USP49: variants seen among roughly 807,000 people sequenced by gnomAD.
The protein encoded by USP49 is ubiquitin specific peptidase 49.
USP49 carries 24 observed loss-of-function variants against 58.6 expected under a neutral mutation model. That is an observed-to-expected ratio of 0.41 (90% CI 0.30 to 0.58). The LOEUF is 0.58. USP49 is among the 20% of genes least tolerant of loss of function. The probability of loss-of-function intolerance (pLI) is 0.30; values close to 1 mark genes in which losing one functional copy is unlikely to be tolerated. For synonymous variants in USP49, 408 were observed against 365.1 expected, an observed-to-expected ratio of 1.12 and a Z score of -1.34; for missense variants, 703 against 866.1, an observed-to-expected ratio of 0.81 and a Z score of 2.36.
chr6:41,873,401 A>G (rs1235096557), intron 2 of USP49, among the ~76,000 whole-genome samples: 2 of 152,236 alleles, frequency 1.3e-5, no homozygotes, highest in Non-Finnish European at 2.9e-5. Context: ...GCACGAGGCC[A>G]GAAAGTAGGT....
intron 2 of USP49, among the ~76,000 whole-genome samples, chr6:41,883,898 A>C (rs1350471044): frequency 6.6e-6 from 1 of 152,198 alleles, no homozygotes; most frequent in Non-Finnish European, 1.5e-5. Context: ...GACATGTGCA[A>C]GACTGTTACT....
chr6:41,798,574 C>T lies in USP49; in HGVS notation c.1876+150G>A. The T allele has an allele frequency of 1.9e-6, 3 of 1,558,170 alleles. No individual in the cohort carries two copies. In the East Asian group the frequency reaches 6.8e-5, roughly 35 times the overall value. The stretch of plus-strand genomic sequence containing the variant: ...TACAGGTGTGAGCCACGGCGCCCAA[C>T]CCAATTTTCACAATTCTTTCCACTG... On this transcript the variant is annotated intron_variant, in intron 7 of 7. Transcript: ENST00000682992.
intron 5 of USP49, among the ~76,000 whole-genome samples, chr6:41,800,996 G>A (rs886680659): frequency 6.6e-6 from 1 of 152,210 alleles, no homozygotes; most frequent in African/African-American, 2.4e-5. Context: ...GTTTCTAACT[G>A]TGGGGGAAAT....
intron 2 of USP49, among the ~76,000 whole-genome samples, chr6:41,889,566 A>G (rs1774775819): frequency 6.6e-6 from 1 of 152,056 alleles, no homozygotes; most frequent in Admixed American, 6.5e-5. Flanking sequence ...TTCTCAACAC[A>G]TGGGTACACT....
intron 3 of USP49, among the ~76,000 whole-genome samples, chr6:41,851,290 A>G (rs1289205292): frequency 6.6e-6 from 1 of 152,250 alleles, no homozygotes; most frequent in South Asian, 2.1e-4. Context: ...CATATTATCA[A>G]TAAGTAGGAC....
chr6:41,892,524 T>C (rs982395319), intron 1 of USP49, among the ~76,000 whole-genome samples: 1 of 152,212 alleles, frequency 6.6e-6, no homozygotes, highest in South Asian at 2.1e-4. Flanking sequence ...TCTAGTAACC[T>C]TGAACACTTG....
chr6:41,882,437 T>C (rs1774625379), intron 2 of USP49, among the ~76,000 whole-genome samples: 1 of 152,196 alleles, frequency 6.6e-6, no homozygotes, highest in Non-Finnish European at 1.5e-5. Flanking sequence ...GGATCCAACC[T>C]ATACCACATC....
intron 2 of USP49, among the ~76,000 whole-genome samples, chr6:41,885,889 C>T (rs1774702286): frequency 6.6e-6 from 1 of 152,208 alleles, no homozygotes; most frequent in Non-Finnish European, 1.5e-5. Flanking sequence ...GGATTTTCAG[C>T]ATGGAGCAGA....
Position 41,856,374 on chromosome 6 carries a change from CA to C in USP49, c.-29+15189del, listed in dbSNP as rs534562516. Reference sequence around the variant, plus strand: ...TGGGCGACAGAGCGAGACCCCGTCTCAAAAAAAAAAAAAAACTTGTAATATT... The same window carrying C: ...TGGGCGACAGAGCGAGACCCCGTCTCAAAAAAAAAAAAAACTTGTAATATT... On this transcript the variant is annotated intron_variant, in intron 3 of 7. Transcript: ENST00000682992. Among the ~76,000 whole-genome samples the C allele has an allele frequency of 4.1e-3, 482 of 118,178 alleles. 3 individuals carry two copies. Among genetic ancestry groups the C allele is most frequent in the Middle Eastern group, 4.5e-3 (1 of 220 alleles). The allele number at this position is 118,178 out of a possible 152,430, so 77.5% of individuals were successfully genotyped here. A position where few individuals can be genotyped will look rare whatever the true frequency, so the allele number is the denominator to read the frequency against.
At chr6:41,813,306 A>C (rs1773290830) in intron 3 of USP49, among the ~76,000 whole-genome samples, 1 of 152,156 alleles carries the variant, frequency 6.6e-6, no homozygotes, top group Non-Finnish European at 1.5e-5. Flanking sequence ...TTTAGCCTTG[A>C]TGTGTCTTCA....
At chr6:41,802,448 A>ATTTTTTTT (rs1363216201) in intron 5 of USP49, among the ~76,000 whole-genome samples, 3 of 53,330 alleles carry the variant, frequency 5.6e-5, no homozygotes, top group South Asian at 6.6e-4. Flanking sequence ...TTATTTATTT[A>ATTTTTTTT]TTTATTTATT....
At chr6:41,815,673 C>T (rs568073715) in intron 3 of USP49, among the ~76,000 whole-genome samples, 6 of 152,204 alleles carry the variant, frequency 3.9e-5, no homozygotes, top group African/African-American at 9.6e-5. Context: ...AAGAAGGGTT[C>T]GGAAGCTCTG....
intron 3 of USP49, among the ~76,000 whole-genome samples, chr6:41,853,976 G>GCAA (rs1476826719): frequency 8.5e-6 from 1 of 118,228 alleles, no homozygotes; most frequent in Non-Finnish European, 1.7e-5. Context: ...TCCAGCCTGG[G>GCAA]CAACAACAGC....
chr6:41,816,604 A>T (rs1006730107), intron 3 of USP49, among the ~76,000 whole-genome samples: 2 of 152,184 alleles, frequency 1.3e-5, no homozygotes, highest in African/African-American at 4.8e-5. Context: ...GATACTTTTT[A>T]AAAACTAAAA....
At chr6:41,867,342 A>G (rs1275573345) in intron 3 of USP49, among the ~76,000 whole-genome samples, 1 of 152,208 alleles carries the variant, frequency 6.6e-6, no homozygotes, top group Non-Finnish European at 1.5e-5. Flanking sequence ...GCAATTTCCA[A>G]TTATCAATCA....
chr6:41,822,441 T>C (rs368933502), intron 3 of USP49, among the ~76,000 whole-genome samples: 19 of 152,244 alleles, frequency 1.2e-4, no homozygotes, highest in African/African-American at 4.1e-4. Context: ...GGAACCCGTC[T>C]TCCTGATGTC....
At chr6:41,837,581 G>C (rs999549092) in intron 3 of USP49, among the ~76,000 whole-genome samples, 1 of 152,122 alleles carries the variant, frequency 6.6e-6, no homozygotes, top group African/African-American at 2.4e-5. Flanking sequence ...AGCAATTGCA[G>C]CAAAAGCAAA....
At chr6:41,848,653 T>C (rs964417162) in intron 3 of USP49, among the ~76,000 whole-genome samples, 4 of 151,896 alleles carry the variant, frequency 2.6e-5, no homozygotes, top group Admixed American at 1.3e-4. Context: ...GGTCAGGAGA[T>C]TGACACCATC....
At chr6:41,875,919 A>T (rs902460918) in intron 2 of USP49, among the ~76,000 whole-genome samples, 1 of 152,184 alleles carries the variant, frequency 6.6e-6, no homozygotes, top group South Asian at 2.1e-4. Flanking sequence ...TTTAGTAGAG[A>T]TGGGGTTTCA....
Sources: allele counts gnomAD v4.1 joint callset (sites outside exome capture counted in the v4.1 genomes callset), GRCh38; gene constraint gnomAD v4.1.1; transcripts MANE v1.5; gene names NCBI Gene and HGNC (gene_info 2026-07-23, HGNC 2026-07-21).